The following ADGRB2 variants were observed in gnomAD, a reference collection of about 807,000 sequenced individuals.
ADGRB2 encodes the protein adhesion G protein-coupled receptor B2, also known as brain-specific angiogenesis inhibitor 2.
A neutral mutation model predicts 178.7 loss-of-function variants in ADGRB2; 47 were observed. The ratio of observed to expected loss-of-function variants is 0.26; its 90% CI spans 0.21 to 0.34. The LOEUF (loss-of-function observed/expected upper bound fraction) is 0.34, where lower values mean the gene tolerates loss of function less well. Ranked by LOEUF, ADGRB2 falls within the 10% of genes least tolerant of loss-of-function variation. ADGRB2 has a pLI of 1.00. For missense variants in ADGRB2, 1,584 were observed against 2,180.8 expected (o/e 0.73, Z 5.45); for synonymous variants, 870 against 912.4 (o/e 0.95, Z 0.84).
rs1157144723 is a variant in ADGRB2 at position 31,728,841 on chromosome 1, C to T, written c.4381-208G>A. On this transcript the variant is annotated intron_variant, in intron 29 of 32. Transcript: ENST00000373658. The surrounding 1 kb of genome is among the most constrained non-coding windows in gnomAD (Gnocchi z 6.7). ...ACACACACACACACACACACACACACACACACGTCAAATGGCATGGTGCGG... is the reference window on the plus strand; with the variant it reads ...ACACACACACACACACACACACACATACACACGTCAAATGGCATGGTGCGG... Among the ~76,000 whole-genome samples the T allele has an allele frequency of 6.6e-6, 1 of 151,460 alleles. No individual in the cohort carries two copies. The highest frequency in any genetic ancestry group is 2.4e-5 in the African/African-American group (1 of 41,182).
intron 26 of ADGRB2, 142 bp downstream of exon 26, chr1:31,732,830 C>T: frequency 1.6e-6 from 2 of 1,249,988 alleles, no homozygotes; most frequent in Non-Finnish European, 2.2e-6. Flanking sequence ...CCCGGGCTAT[C>T]AGCTTCCACA....
At position 31,754,176 on chromosome 1, in the gene ADGRB2, C is replaced by T. The variant is rs1039596067; in HGVS notation, c.838+1823G>A. 3.3e-5 allele frequency among the ~76,000 whole-genome samples: 5 copies of T among 152,242 alleles called. No homozygotes were observed. The highest frequency in any genetic ancestry group is 5.9e-5 in the Non-Finnish European group (4 of 68,036). On this transcript the variant is annotated intron_variant, in intron 4 of 32. Coordinates refer to ENST00000373658, the MANE Select transcript of ADGRB2 (RefSeq NM_001364857.2). The surrounding 1 kb of genome is among the most constrained non-coding windows in gnomAD (Gnocchi z 5.7). ...CTGATGATGGTGCCTTTCCCATCAC[C>T]GGCCCTCTCTGATCCCCAAAGACAC...
chr1:31,734,987 G>A (rs1267652410), intron 25 of ADGRB2, among the ~76,000 whole-genome samples, 196 bp downstream of exon 25: 1 of 152,196 alleles, frequency 6.6e-6, no homozygotes, highest in African/African-American at 2.4e-5. Flanking sequence ...GCACCTGTGG[G>A]AGGCACAGAC....
rs1357608372 is a variant in ADGRB2 at position 31,727,951 on chromosome 1, G to T, written c.4572+74C>A. 1 of 1,485,862 alleles carries T rather than the reference G, an allele frequency of 6.7e-7. No individual in the cohort carries two copies. Among genetic ancestry groups the T allele is most frequent in the Non-Finnish European group, 9.0e-7 (1 of 1,114,216 alleles). 92.0% of individuals were successfully genotyped at this position (1,485,862 alleles called of 1,614,324 possible). A position where few individuals can be genotyped will look rare whatever the true frequency, so the allele number is the denominator to read the frequency against. ...TTGGTGAGACAGGCTGGGGTTGCCT[G>T]GGAGGGGCAGGAGGGCAGGGAGGGC... On this transcript the variant is annotated intron_variant, in intron 32 of 32. Transcript: ENST00000373658. This position sits in a 1 kb window ranked among gnomAD's most constrained non-coding sequence, Gnocchi z 4.4.
In ADGRB2 at chr1:31,764,232, G is replaced by C. The variant is rs930031314; in HGVS notation, c.-539C>G. 1 of 187,970 alleles carries C rather than the reference G, an allele frequency of 5.3e-6. No individual in the cohort carries two copies. Among genetic ancestry groups the C allele is most frequent in the African/African-American group, 2.4e-5 (1 of 40,832 alleles). 11.6% of individuals were successfully genotyped at this position (187,970 alleles called of 1,614,324 possible). On this transcript the variant is annotated 5_prime_UTR_variant, in exon 1 of 33. An upstream open reading frame in the 5' UTR gains an earlier in-frame stop. Coordinates refer to ENST00000373658, the MANE Select transcript of ADGRB2 (RefSeq NM_001364857.2). The surrounding 1 kb of genome is among the most constrained non-coding windows in gnomAD (Gnocchi z 7.3). ...GGCGGCGGCCGCAGCCCCGGGCTCT[G>C]AGAGCCGGTGCCGCATCCTCTTCGG...
rs755199818 is a variant in ADGRB2 at position 31,740,148 on chromosome 1, C to T, written c.2020G>A (p.Asp674Asn). The T allele has an allele frequency of 6.2e-7, 1 of 1,614,128 alleles. No homozygotes were observed. Among genetic ancestry groups the T allele is most frequent in the Non-Finnish European group, 8.5e-7 (1 of 1,180,018 alleles). Residue 674 changes from aspartate to asparagine, a missense_variant, in exon 13 of 33, where the codon GAT becomes AAT. By Grantham distance (23) the Asp-to-Asn change is conservative (BLOSUM62 1). Around this residue, in one of 3 missense-constraint regions of ADGRB2, gnomAD observed 62 missense variants for 140.3 expected, o/e 0.44. Coordinates refer to ENST00000373658, the MANE Select transcript of ADGRB2 (RefSeq NM_001364857.2). The surrounding 1 kb of genome is among the most constrained non-coding windows in gnomAD (Gnocchi z 5.9). Reference protein sequence around the residue: ...RFFQVVSFMVDAENKEKWDDA... With the variant: ...RFFQVVSFMVNAENKEKWDDA... ...TCCCACTTCTCCTTGTTTTCCGCAT[C>T]CACCATGAAGCTCACCACCTGGAAG...
chr1:31,752,243 G>T (rs567776703), intron 4 of ADGRB2, among the ~76,000 whole-genome samples: 19 of 152,208 alleles, frequency 1.2e-4, no homozygotes, highest in Non-Finnish European at 2.5e-4. Context: ...GAAGATGTGT[G>T]TGAGGGATTG....
At position 31,756,983 on chromosome 1, in the gene ADGRB2, C is replaced by T. The variant is rs1570078808; in HGVS notation, c.22-168G>A. On this transcript the variant is annotated intron_variant, in intron 3 of 32. Transcript: ENST00000373658. The surrounding 1 kb of genome is among the most constrained non-coding windows in gnomAD (Gnocchi z 8.5). ...GACAAGGGACTTGACCTCTCTGAGC[C>T]TCAGTTTCCTTACCTGTAAAATGGA... Among the ~76,000 whole-genome samples the T allele has an allele frequency of 1.3e-5, 2 of 152,192 alleles. No individual in the cohort carries two copies. Among genetic ancestry groups the T allele is most frequent in the African/African-American group, 4.8e-5 (2 of 41,434 alleles).
At chr1:31,734,758 G>C (rs990076816) in intron 25 of ADGRB2, among the ~76,000 whole-genome samples, 17 of 152,216 alleles carry the variant, frequency 1.1e-4, no homozygotes, top group South Asian at 2.1e-4. Flanking sequence ...TTCTATGACA[G>C]ATGATAAGAC....
rs1645128108 is a variant in ADGRB2 at position 31,728,803 on chromosome 1, A to ACACACACACACACACACACACAC, written c.4381-171_4381-170insGTGTGTGTGTGTGTGTGTGTGTG. ...TGGGGCAGCTTTTCAGGCCTCACTGAACACACACACACACACACACACACA... is the reference window on the plus strand; with the variant it reads ...TGGGGCAGCTTTTCAGGCCTCACTGACACACACACACACACACACACACACACACACACACACACACACACACA... On this transcript the variant is annotated intron_variant, in intron 29 of 32. Coordinates refer to ENST00000373658, the MANE Select transcript of ADGRB2 (RefSeq NM_001364857.2). The surrounding 1 kb of genome is among the most constrained non-coding windows in gnomAD (Gnocchi z 6.7). Among the ~76,000 whole-genome samples the ACACACACACACACACACACACAC allele has an allele frequency of 8.7e-6, 1 of 115,436 alleles. No homozygotes were observed. Among genetic ancestry groups the ACACACACACACACACACACACAC allele is most frequent in the Non-Finnish European group, 1.8e-5 (1 of 54,906 alleles). The allele number at this position is 115,436 out of a possible 152,430, so 75.7% of individuals were successfully genotyped here.
In ADGRB2 at chr1:31,731,252, GTGAGGC is replaced by G; in HGVS notation, c.3922_3927del (p.Ala1308_Ser1309del). 1 of 1,609,224 alleles carries G rather than the reference GTGAGGC, an allele frequency of 6.2e-7. No individual in the cohort carries two copies. Among genetic ancestry groups the G allele is most frequent in the East Asian group, 2.2e-5 (1 of 44,690 alleles). On this transcript the variant is annotated inframe_deletion, in exon 29 of 33. Coordinates refer to ENST00000373658, the MANE Select transcript of ADGRB2 (RefSeq NM_001364857.2). ...GGGGGCGGAGGCTCCCCCAGCCCTG[GTGAGGC>G]TGCCATGGGCACCAGGATATTCCCA...
At position 31,727,712 on chromosome 1, in the gene ADGRB2, T is replaced by C. The variant is rs1645056044; in HGVS notation, c.4573-107A>G. The C allele has an allele frequency of 1.6e-6, 2 of 1,212,790 alleles. No homozygotes were observed. The highest frequency in any genetic ancestry group is 5.2e-5 in the East Asian group (2 of 38,266). 75.1% of individuals were successfully genotyped at this position (1,212,790 alleles called of 1,614,324 possible). A position where few individuals can be genotyped will look rare whatever the true frequency, so the allele number is the denominator to read the frequency against. ...AGAGGGCTGGTAATGCCCAAAGTTATGGAGCAATCAGGTGTCAAGCAGAAT... is the reference window on the plus strand; with the variant it reads ...AGAGGGCTGGTAATGCCCAAAGTTACGGAGCAATCAGGTGTCAAGCAGAAT... On this transcript the variant is annotated intron_variant, in intron 32 of 32. Coordinates refer to ENST00000373658, the MANE Select transcript of ADGRB2 (RefSeq NM_001364857.2). This position sits in a 1 kb window ranked among gnomAD's most constrained non-coding sequence, Gnocchi z 4.4.
At position 31,738,648 on chromosome 1, in the gene ADGRB2, T is replaced by C; in HGVS notation, c.2602-18A>G. Reference sequence around the variant, plus strand: ...GTGGTCCCCTGGGGAGCAAAAGACATGAGTGCAGTCTAGGGAGGGAAGCTC... The same window carrying C: ...GTGGTCCCCTGGGGAGCAAAAGACACGAGTGCAGTCTAGGGAGGGAAGCTC... On this transcript the variant is annotated intron_variant, in intron 16 of 32. Transcript: ENST00000373658. 6.2e-7 allele frequency: 1 copy of C among 1,612,532 alleles called. No individual in the cohort carries two copies. The highest frequency in any genetic ancestry group is 8.5e-7 in the Non-Finnish European group (1 of 1,179,326).
intron 1 of ADGRB2, chr1:31,760,743 C>G (rs1013648888): frequency 6.6e-6 from 1 of 151,882 alleles, no homozygotes; most frequent in East Asian, 2.0e-4. Flanking sequence ...GCGGTGACCC[C>G]CACTCGGTGG....
Position 31,756,061 on chromosome 1 carries a change from G to T in ADGRB2, c.776C>A (p.Pro259His). ...NALVPGGPAP[P>H]AEADLHSGSS... The stretch of plus-strand genomic sequence containing the variant: ...CCCCGAGTGCAAATCGGCCTCAGCA[G>T]GTGGGGCTGGGCCCCCGGGCACCAG... The change falls in exon 4 of 33, where the codon CCT becomes CAT. Residue 259 changes from proline to histidine, a missense_variant. Physicochemically the swap from Pro to His is moderately conservative, Grantham distance 77. Around this residue, in one of 3 missense-constraint regions of ADGRB2, gnomAD observed 657 missense variants for 847.6 expected, o/e 0.78. Coordinates refer to ENST00000373658, the MANE Select transcript of ADGRB2 (RefSeq NM_001364857.2). This position sits in a 1 kb window ranked among gnomAD's most constrained non-coding sequence, Gnocchi z 8.5. 2 of 1,614,076 alleles carry T rather than the reference G, an allele frequency of 1.2e-6. No homozygotes were observed. The highest frequency in any genetic ancestry group is 1.7e-6 in the Non-Finnish European group (2 of 1,179,992).
intron 29 of ADGRB2, among the ~76,000 whole-genome samples, 180 bp downstream of exon 29, chr1:31,730,620 C>CT (rs2148884086): frequency 6.6e-6 from 1 of 152,354 alleles, no homozygotes; most frequent in Non-Finnish European, 1.5e-5. Context: ...CCCAGCCTGT[C>CT]TGAAGGATTC....
chr1:31,747,476 C>G (rs1646337006), intron 4 of ADGRB2, among the ~76,000 whole-genome samples: 1 of 152,118 alleles, frequency 6.6e-6, no homozygotes, highest in South Asian at 2.1e-4. Context: ...TCCCCACCCT[C>G]TTTGCCTAGA....
intron 25 of ADGRB2, among the ~76,000 whole-genome samples, chr1:31,734,669 G>A (rs554588233): frequency 4.5e-4 from 68 of 152,318 alleles, no homozygotes; most frequent in African/African-American, 1.5e-3. Flanking sequence ...GGGTCTCAGT[G>A]AAATAATTCT....
rs769349393 is a variant in ADGRB2, at chr1:31,741,861, C to G, written c.1524G>C (p.Gln508His). Residue 508 changes from glutamine to histidine, a missense_variant, in exon 9 of 33, where the codon CAG (glutamine) becomes CAC (histidine). Around this residue, in one of 3 missense-constraint regions of ADGRB2, gnomAD observed 657 missense variants for 847.6 expected, o/e 0.78. Coordinates refer to ENST00000373658, the MANE Select transcript of ADGRB2 (RefSeq NM_001364857.2). The surrounding 1 kb of genome is among the most constrained non-coding windows in gnomAD (Gnocchi z 6.5). ...CTCCGGTGCCCTCGCAGGGGTAGCC[C>G]TGCGTGCCCGTGGCCTGGCACATGC... ...RFRMCQATGT[Q>H]GYPCEGTGEE... is the part of the protein sequence containing the mutation. 1.9e-6 allele frequency: 3 copies of G among 1,610,502 alleles called. No homozygotes were observed. The East Asian group carries it at 6.7e-5, about 36-fold the overall frequency.
Sources: gnomAD v4.1 joint callset for allele counts (sites outside exome capture counted in the v4.1 genomes callset) on GRCh38, gnomAD v4.1.1 for gene constraint, gnomAD v4.1.1 regional missense constraint, Gnocchi (gnomAD v3.1) non-coding constraint, MANE v1.5 for transcripts, NCBI Gene and HGNC (gene_info 2026-07-23, HGNC 2026-07-21) for gene names.